The following TDRD5 variants were observed in gnomAD, a reference collection of about 807,000 sequenced individuals.
TDRD5 encodes tudor domain-containing protein 5.
In TDRD5, 41 loss-of-function variants were observed where a neutral mutation model predicts 120.6. The observed-to-expected ratio is 0.34, with a 90% CI of 0.26 to 0.44. The LOEUF is 0.44. TDRD5 is among the 20% of genes least tolerant of loss of function. The pLI, the probability that TDRD5 is intolerant of heterozygous loss-of-function variation, is 1.00. For missense variants in TDRD5, 1,006 were observed against 1,221.2 expected (o/e 0.82, Z 2.63); for synonymous variants, 430 against 433.7 (o/e 0.99, Z 0.11).
At chr1:179,617,477 GT>G (rs1676622456) in intron 4 of TDRD5, among the ~76,000 whole-genome samples, 1 of 152,068 alleles carries the variant, frequency 6.6e-6, no homozygotes, top group African/African-American at 2.4e-5. Context: ...GACCTAAAAG[GT>G]TACACAGTTT....
In TDRD5 at chr1:179,593,742, T is replaced by A; in HGVS notation, c.515T>A (p.Phe172Tyr). The A allele has an allele frequency of 6.2e-7, 1 of 1,614,230 alleles. No individual in the cohort carries two copies. The highest frequency in any genetic ancestry group is 8.5e-7 in the Non-Finnish European group (1 of 1,180,036). ...GRSFQYMQYG[F>Y]LSMFEVLNAA... The stretch of plus-strand genomic sequence containing the variant: ...TCATTCCAATACATGCAATATGGAT[T>A]TCTCTCTATGTTTGAAGTGCTTAAT... The change falls in exon 3 of 18, where the codon TTT becomes TAT. Residue 172 changes from phenylalanine to tyrosine, a missense_variant. Phe to Tyr is a conservative substitution (Grantham distance 22). Coordinates refer to ENST00000444136, the MANE Select transcript of TDRD5 (RefSeq NM_001199085.3).
intron 17 of TDRD5, among the ~76,000 whole-genome samples, chr1:179,670,533 A>C (rs996628423): frequency 6.6e-6 from 1 of 152,238 alleles, no homozygotes; most frequent in Non-Finnish European, 1.5e-5. Context: ...CCAGCAAGGA[A>C]TAAAAGTTCC....
At chr1:179,650,108 G>A (rs1028397533) in intron 11 of TDRD5, among the ~76,000 whole-genome samples, 3 of 152,018 alleles carry the variant, frequency 2.0e-5, no homozygotes, top group Admixed American at 6.6e-5. Context: ...TGTCTGTCTC[G>A]TTTGTCCTGT....
At chr1:179,634,879 C>T (rs1345154663) in intron 8 of TDRD5, among the ~76,000 whole-genome samples, 2 of 152,186 alleles carry the variant, frequency 1.3e-5, no homozygotes, top group Non-Finnish European at 2.9e-5. Context: ...TGACAGATCT[C>T]TCATGATGTC....
chr1:179,602,122 A>G (rs1675748372), intron 4 of TDRD5, among the ~76,000 whole-genome samples: 1 of 152,194 alleles, frequency 6.6e-6, no homozygotes, highest in Non-Finnish European at 1.5e-5. Context: ...TAGTTCTTTA[A>G]GGAATCTCCA....
chr1:179,600,453 G>A (rs1015969432), intron 4 of TDRD5, among the ~76,000 whole-genome samples: 1 of 152,154 alleles, frequency 6.6e-6, no homozygotes, highest in African/African-American at 2.4e-5. Context: ...TATCCTAGGT[G>A]TGTAGTAAGG....
chr1:179,619,661 C>T (rs1266074309), intron 5 of TDRD5, among the ~76,000 whole-genome samples: 2 of 151,382 alleles, frequency 1.3e-5, no homozygotes, highest in African/African-American at 4.9e-5. Context: ...CTTGCTCTGT[C>T]ACCCAGGCTG....
rs377402460 is a variant in TDRD5 at position 179,595,852 on chromosome 1, G to A, written c.831+34G>A. ...TAAGAATTTGGAGATATAAATATAC[G>A]ATGTTTTTAAATTCAGTGGTGTTAA... is the stretch of plus-strand genomic sequence containing the variant. On this transcript the variant is annotated intron_variant, in intron 4 of 17. Coordinates refer to ENST00000444136, the MANE Select transcript of TDRD5 (RefSeq NM_001199085.3). The A allele has an allele frequency of 1.9e-5, 30 of 1,551,738 alleles. No homozygotes were observed. In the African/African-American group the frequency reaches 2.6e-4, roughly 14 times the overall value.
intron 4 of TDRD5, among the ~76,000 whole-genome samples, chr1:179,612,609 T>A (rs1267044007): frequency 1.3e-5 from 2 of 152,082 alleles, no homozygotes. Context: ...GATCTGGCAT[T>A]TCTAGGATCT....
At chr1:179,690,587 T>TAACA in intron 17 of TDRD5, 109 bp from the exon 18 acceptor site, 1 of 1,464,272 alleles carries the variant, frequency 6.8e-7, no homozygotes, top group Middle Eastern at 1.9e-4. Flanking sequence ...TGTCGCTACC[T>TAACA]AACAGAAAAT....
At chr1:179,657,967 A>G (rs888785852) in intron 14 of TDRD5, among the ~76,000 whole-genome samples, 7 of 152,088 alleles carry the variant, frequency 4.6e-5, no homozygotes, top group Non-Finnish European at 1.0e-4. Flanking sequence ...CCTCCTGTCT[A>G]CTGAAATTTT....
intron 7 of TDRD5, among the ~76,000 whole-genome samples, chr1:179,632,533 C>A (rs1365890475): frequency 6.6e-6 from 1 of 151,990 alleles, no homozygotes; most frequent in Non-Finnish European, 1.5e-5. Context: ...TCCACCCCCC[C>A]AAAATAATAC....
chr1:179,674,973 C>CT (rs1198085568), intron 17 of TDRD5, among the ~76,000 whole-genome samples: 1 of 151,966 alleles, frequency 6.6e-6, no homozygotes, highest in East Asian at 1.9e-4. Flanking sequence ...CAATTTTTAT[C>CT]TTTTCAAAGA....
At position 179,595,652 on chromosome 1, in the gene TDRD5, G is replaced by A; in HGVS notation, c.665G>A (p.Arg222Lys). ...GGTAAAATTTTTACCCAGCCATTTA[G>A]AATGAAACAAGGGTCATACTCCACA... Reference protein sequence around the residue: ...PAGKIFTQPFRMKQGSYSTGF... With the variant: ...PAGKIFTQPFKMKQGSYSTGF... Residue 222 changes from arginine (R) to lysine (K), a missense_variant, in exon 4 of 18, where the codon AGA (arginine) becomes AAA (lysine). By Grantham distance (26) the Arg-to-Lys change is conservative (BLOSUM62 2). Around this residue, in one of 3 missense-constraint regions of TDRD5, gnomAD observed 445 missense variants for 515.5 expected, o/e 0.86. Coordinates refer to ENST00000444136, the MANE Select transcript of TDRD5 (RefSeq NM_001199085.3). 6.3e-7 allele frequency: 1 copy of A among 1,588,862 alleles called. No individual in the cohort carries two copies. The highest frequency in any genetic ancestry group is 1.2e-5 in the South Asian group (1 of 85,614).
chr1:179,685,868 C>G (rs577276655), intron 17 of TDRD5, among the ~76,000 whole-genome samples: 1 of 152,096 alleles, frequency 6.6e-6, no homozygotes, highest in South Asian at 2.1e-4. Flanking sequence ...TATAGTAATG[C>G]TTGTGATTTT....
At chr1:179,673,218 C>T (rs1463667064) in intron 17 of TDRD5, among the ~76,000 whole-genome samples, 2 of 151,972 alleles carry the variant, frequency 1.3e-5, no homozygotes, top group Admixed American at 1.3e-4. Context: ...TTGATTCTAC[C>T]CATCCACGAG....
intron 17 of TDRD5, among the ~76,000 whole-genome samples, chr1:179,689,857 A>G (rs536578377): frequency 6.6e-6 from 1 of 152,320 alleles, no homozygotes; most frequent in East Asian, 1.9e-4. Flanking sequence ...CAAGCCAGGC[A>G]TGGGATATAA....
At position 179,593,873 on chromosome 1, in the gene TDRD5, C is replaced by T. The variant is rs1165183285; in HGVS notation, c.640+6C>T. On this transcript the variant is annotated splice_donor_region_variant and intron_variant, in intron 3 of 17. Coordinates refer to ENST00000444136, the MANE Select transcript of TDRD5 (RefSeq NM_001199085.3). ...GCCGAGAGGATGTCCAGCAGGTACG[C>T]ATGTGAGCAAATGTTGGAGCAGTCA... The T allele has an allele frequency of 1.7e-5, 28 of 1,608,880 alleles. No individual in the cohort carries two copies. The highest frequency in any genetic ancestry group is 2.4e-5 in the Non-Finnish European group (28 of 1,176,734).
At chr1:179,615,499 T>C (rs1164827368) in intron 4 of TDRD5, among the ~76,000 whole-genome samples, 1 of 152,174 alleles carries the variant, frequency 6.6e-6, no homozygotes. Flanking sequence ...TATAAGCTCC[T>C]ATCTGAATAT....
Sources: gnomAD v4.1 joint callset for allele counts (sites outside exome capture counted in the v4.1 genomes callset) on GRCh38, gnomAD v4.1.1 for gene constraint, gnomAD v4.1.1 regional missense constraint, MANE v1.5 for transcripts, NCBI Gene and HGNC (gene_info 2026-07-23, HGNC 2026-07-21) for gene names.